Variants in TMEM117 observed in about 807,000 individuals in gnomAD.
TMEM117 encodes transmembrane protein 117.
In TMEM117, 27 loss-of-function variants were observed where a neutral mutation model predicts 52.4. The ratio of observed to expected loss-of-function variants is 0.51; its 90% CI spans 0.38 to 0.71. The LOEUF (loss-of-function observed/expected upper bound fraction) is 0.71. Ranked by LOEUF, TMEM117 falls within the 30% of genes least tolerant of loss-of-function variation. The pLI, the probability that TMEM117 is intolerant of heterozygous loss-of-function variation, is 0.00. For synonymous variants in TMEM117, 215 were observed against 206.3 expected, an observed-to-expected ratio of 1.04 and a Z score of -0.36; for missense variants, 556 against 630.5, an observed-to-expected ratio of 0.88 and a Z score of 1.26.
chr12:44,241,022 T>C (rs982270727), intron 5 of TMEM117, among the ~76,000 whole-genome samples: 8 of 151,988 alleles, frequency 5.3e-5, no homozygotes, highest in Non-Finnish European at 1.0e-4. Flanking sequence ...TTCAGAGCCC[T>C]TGTGGATACC....
intron 2 of TMEM117, among the ~76,000 whole-genome samples, chr12:43,851,913 G>C (rs947798868): frequency 2.6e-5 from 4 of 152,180 alleles, no homozygotes; most frequent in Admixed American, 2.6e-4. Context: ...CTTGTGCTTG[G>C]TACAAGAGAT....
intron 5 of TMEM117, among the ~76,000 whole-genome samples, chr12:44,278,499 T>C (rs1183124204): frequency 6.6e-6 from 1 of 152,234 alleles, no homozygotes; most frequent in Non-Finnish European, 1.5e-5. Context: ...ATCATTGCTA[T>C]TTAGCTGTAA....
chr12:44,147,919 G>A (rs1370491025), intron 4 of TMEM117, among the ~76,000 whole-genome samples: 1 of 146,988 alleles, frequency 6.8e-6, no homozygotes. Flanking sequence ...GTGATAGAGC[G>A]AGACTCTGTC....
chr12:43,917,161 G>A (rs1944617948), intron 2 of TMEM117, among the ~76,000 whole-genome samples: 1 of 151,594 alleles, frequency 6.6e-6, no homozygotes, highest in Non-Finnish European at 1.5e-5. Context: ...TGGAGGCCAT[G>A]GTGGGAAGAT....
intron 4 of TMEM117, among the ~76,000 whole-genome samples, chr12:44,146,482 C>T (rs1948643700): frequency 1.3e-5 from 2 of 152,142 alleles, no homozygotes; most frequent in African/African-American, 4.8e-5. Flanking sequence ...TCTCTTTATG[C>T]TATGTTATAT....
At chr12:44,296,118 C>T (rs1371696286) in intron 5 of TMEM117, among the ~76,000 whole-genome samples, 2 of 152,136 alleles carry the variant, frequency 1.3e-5, no homozygotes, top group African/African-American at 4.8e-5. Flanking sequence ...TGTCTGGTCT[C>T]AAGACAGATT....
At chr12:44,353,746 G>T (rs1951601788) in intron 6 of TMEM117, among the ~76,000 whole-genome samples, 1 of 152,120 alleles carries the variant, frequency 6.6e-6, no homozygotes, top group Non-Finnish European at 1.5e-5. Flanking sequence ...CTCCAGCTTT[G>T]TTCTTTTGGC....
At chr12:43,844,478 C>A in intron 1 of TMEM117, 146 bp from the exon 2 acceptor site, 1 of 691,452 alleles carries the variant, frequency 1.4e-6, no homozygotes, top group Non-Finnish European at 2.4e-6. Flanking sequence ...TCCTCATTCT[C>A]AGACTTGTCT....
At chr12:44,144,373 T>A (rs752349973) in intron 4 of TMEM117, among the ~76,000 whole-genome samples, 10 of 152,232 alleles carry the variant, frequency 6.6e-5, no homozygotes, top group Non-Finnish European at 1.3e-4. Flanking sequence ...AATGGAGCAC[T>A]TCATTAATAC....
rs146784256 is a variant in TMEM117 at position 43,889,175 on chromosome 12, C to T, written c.277+44247C>T. Among the ~76,000 whole-genome samples the T allele has an allele frequency of 3.3e-3, 503 of 151,816 alleles. 5 individuals carry two copies. The highest frequency in any genetic ancestry group is 0.011 in the African/African-American group (465 of 41,344). On this transcript the variant is annotated intron_variant, in intron 2 of 7. Coordinates refer to ENST00000266534, the MANE Select transcript of TMEM117 (RefSeq NM_032256.3). Reference sequence around the variant, plus strand: ...TTGGCTCACTGCAACCTCCGCCTCCCGGGTACAAGCAATTCTCCTGCCTCA... The same window carrying T: ...TTGGCTCACTGCAACCTCCGCCTCCTGGGTACAAGCAATTCTCCTGCCTCA...
At chr12:44,009,091 G>T in intron 3 of TMEM117, 1 of 358,520 alleles carries the variant, frequency 2.8e-6, no homozygotes, top group South Asian at 2.3e-5. Flanking sequence ...TTCCCATGAA[G>T]ACACATAAGT....
chr12:44,098,670 C>G (rs1220354608), intron 3 of TMEM117, among the ~76,000 whole-genome samples: 1 of 152,062 alleles, frequency 6.6e-6, no homozygotes, highest in African/African-American at 2.4e-5. Context: ...AGTCTGAAGG[C>G]TGGGAGCCAG....
In TMEM117 at chr12:44,366,223, G is replaced by A. The variant is rs186790019; in HGVS notation, c.769-10372G>A. Among the ~76,000 whole-genome samples the A allele has an allele frequency of 5.9e-5, 9 of 152,072 alleles. No individual in the cohort carries two copies. The East Asian group carries it at 1.7e-3, about 30-fold the overall frequency. ...GTGGAATCTATAAAACATATTTGCT[G>A]TAGCCACCTCAGGCTTTGAATGGAT... On this transcript the variant is annotated intron_variant, in intron 6 of 7. Coordinates refer to ENST00000266534, the MANE Select transcript of TMEM117 (RefSeq NM_032256.3).
chr12:43,966,389 A>G (rs903300542), intron 3 of TMEM117, among the ~76,000 whole-genome samples: 3 of 152,240 alleles, frequency 2.0e-5, no homozygotes, highest in Non-Finnish European at 4.4e-5. Context: ...TTAATTTGTT[A>G]TTCAAATGAG....
chr12:43,803,969 CCT>C, the TMEM117 span, among the ~76,000 whole-genome samples: 9 of 152,012 alleles, frequency 5.9e-5, no homozygotes, highest in African/African-American at 1.4e-4. Flanking sequence ...AACCAGATTC[CCT>C]GTTTACAGAA....
intron 4 of TMEM117, among the ~76,000 whole-genome samples, chr12:44,177,711 A>G (rs1399205141): frequency 1.3e-5 from 2 of 152,204 alleles, no homozygotes; most frequent in Non-Finnish European, 2.9e-5. Flanking sequence ...TTAGCTATAA[A>G]TCATCCATTT....
chr12:44,348,372 G>A (rs990631429), intron 6 of TMEM117, among the ~76,000 whole-genome samples: 1 of 151,600 alleles, frequency 6.6e-6, no homozygotes, highest in Non-Finnish European at 1.5e-5. Flanking sequence ...CTATGTCTTG[G>A]GGTTTTATTA....
intron 3 of TMEM117, among the ~76,000 whole-genome samples, chr12:44,004,725 A>G (rs1184988290): frequency 6.6e-6 from 1 of 152,120 alleles, no homozygotes. Flanking sequence ...TGTCTACAAA[A>G]ATTCCACCCC....
chr12:44,095,983 A>G (rs1277063153), intron 3 of TMEM117, among the ~76,000 whole-genome samples: 1 of 152,222 alleles, frequency 6.6e-6, no homozygotes, highest in African/African-American at 2.4e-5. Flanking sequence ...GTCTCAGCCC[A>G]AAATCTCCTT....
Sources: allele counts gnomAD v4.1 joint callset (sites outside exome capture counted in the v4.1 genomes callset), GRCh38; gene constraint gnomAD v4.1.1; transcripts MANE v1.5; gene names NCBI Gene and HGNC (gene_info 2026-07-23, HGNC 2026-07-21).